Variants in C1QBP observed in about 807,000 individuals in gnomAD.
The protein encoded by C1QBP is complement component 1 Q subcomponent-binding protein, mitochondrial.
A neutral mutation model predicts 29.4 loss-of-function variants in C1QBP; 24 were observed. The ratio of observed to expected loss-of-function variants is 0.82; its 90% CI spans 0.59 to 1.15. The LOEUF is 1.15. Among genes scored for constraint, C1QBP ranks in the 50% most tolerant of loss-of-function variants. The pLI, the probability that C1QBP is intolerant of heterozygous loss-of-function variation, is 0.00. For synonymous variants in C1QBP, 182 were observed against 149.2 expected (o/e 1.22, Z -1.60); for missense variants, 337 against 355.8 (o/e 0.95, Z 0.43).
rs776202786 is a variant in C1QBP, at chr17:5,439,089, G to T, written c.-16C>A. The T allele has an allele frequency of 6.5e-7, 1 of 1,540,550 alleles. No individual in the cohort carries two copies. Among genetic ancestry groups the T allele is most frequent in the South Asian group, 1.2e-5 (1 of 83,784 alleles). ...GAGGCAGCATCGCGGAAACGACTGCGAACACGTGCAGATGCAAAGGACAAC... is the reference window on the plus strand; with the variant it reads ...GAGGCAGCATCGCGGAAACGACTGCTAACACGTGCAGATGCAAAGGACAAC... On this transcript the variant is annotated 5_prime_UTR_variant, in exon 1 of 6. Transcript: ENST00000225698.
chr17:5,435,905 G>A (rs1203204308), intron 2 of C1QBP, among the ~76,000 whole-genome samples: 2 of 149,330 alleles, frequency 1.3e-5, no homozygotes, highest in African/African-American at 5.1e-5. Flanking sequence ...AATTAGCTGG[G>A]CGTGGTGGTA....
Position 5,433,716 on chromosome 17 carries a change from C to A in C1QBP, c.529G>T (p.Asp177Tyr). The part of the protein sequence containing the change: ...NFVVEVIKND[D>Y]GKKALVLDCH... ...TCCAACACAAGGGCCTTCTTGCCAT[C>A]ATCATTCTTTATAACTTCAACCACG... The change falls in exon 4 of 6, where the codon GAT becomes TAT. Residue 177 changes from aspartate to tyrosine, a missense_variant. Transcript: ENST00000225698. The A allele has an allele frequency of 6.2e-7, 1 of 1,614,228 alleles. No homozygotes were observed. The highest frequency in any genetic ancestry group is 1.1e-5 in the South Asian group (1 of 91,082).
At position 5,432,921 on chromosome 17, in the gene C1QBP, A is replaced by C; in HGVS notation, c.*94T>G. ...TTTTTTCCCCCATGATATTAGGATG[A>C]TAATCATTTCAAAGCACATGTCTAG... On this transcript the variant is annotated 3_prime_UTR_variant, in exon 6 of 6. Transcript: ENST00000225698. The C allele has an allele frequency of 5.0e-6, 7 of 1,403,114 alleles. No homozygotes were observed. The highest frequency in any genetic ancestry group is 6.7e-6 in the Non-Finnish European group (7 of 1,039,272). The allele number at this position is 1,403,114 out of a possible 1,614,324, so 86.9% of individuals were successfully genotyped here. A position where few individuals can be genotyped will look rare whatever the true frequency, so the allele number is the denominator to read the frequency against.
chr17:5,432,962 T>G lies in C1QBP; in HGVS notation c.*53A>C. 6.4e-7 allele frequency: 1 copy of G among 1,563,266 alleles called. No individual in the cohort carries two copies. The highest frequency in any genetic ancestry group is 8.7e-7 in the Non-Finnish European group (1 of 1,155,186). Reference sequence around the variant, plus strand: ...ACATGTCTAGCTTCAGAGTAGGATTTGTTCACTGGCCAAAGCCTGCCATGA... The same window carrying G: ...ACATGTCTAGCTTCAGAGTAGGATTGGTTCACTGGCCAAAGCCTGCCATGA... On this transcript the variant is annotated 3_prime_UTR_variant, in exon 6 of 6. Coordinates refer to ENST00000225698, the MANE Select transcript of C1QBP (RefSeq NM_001212.4).
chr17:5,433,178 T>A lies in C1QBP; in HGVS notation c.700-14A>T. 1 of 1,608,884 alleles carries A rather than the reference T, an allele frequency of 6.2e-7. No homozygotes were observed. The highest frequency in any genetic ancestry group is 1.1e-5 in the South Asian group (1 of 90,134). On this transcript the variant is annotated splice_polypyrimidine_tract_variant and intron_variant, in intron 5 of 5. Coordinates refer to ENST00000225698, the MANE Select transcript of C1QBP (RefSeq NM_001212.4). ...GTCATATAAGGCCTGCAAAGAACAA[T>A]ATTTACTAGTTAAAAAAAAATCTGT...
chr17:5,433,694 A>G lies in C1QBP; in HGVS notation c.551T>C (p.Leu184Ser). 1 of 1,614,230 alleles carries G rather than the reference A, an allele frequency of 6.2e-7. No individual in the cohort carries two copies. Among genetic ancestry groups the G allele is most frequent in the Non-Finnish European group, 8.5e-7 (1 of 1,180,040 alleles). The part of the protein sequence containing the change: ...KNDDGKKALV[L>S]DCHYPEDEVG... Reference sequence around the variant, plus strand: ...CTCATCCTCTGGATAATGACAGTCCAACACAAGGGCCTTCTTGCCATCATC... The same window carrying G: ...CTCATCCTCTGGATAATGACAGTCCGACACAAGGGCCTTCTTGCCATCATC... The change falls in exon 4 of 6, where the codon TTG (leucine) becomes TCG (serine). Residue 184 changes from leucine (L) to serine (S), a missense_variant. Transcript: ENST00000225698.
rs1165416674 is a variant in C1QBP at position 5,435,991 on chromosome 17, A to G, written c.384-1025T>C. Among the ~76,000 whole-genome samples, 7 of 143,940 alleles carry G rather than the reference A, an allele frequency of 4.9e-5. No individual in the cohort carries two copies. In the East Asian group the frequency reaches 1.4e-3, roughly 29 times the overall value. 94.4% of individuals were successfully genotyped at this position (143,940 alleles called of 152,430 possible). On this transcript the variant is annotated intron_variant, in intron 2 of 5. Coordinates refer to ENST00000225698, the MANE Select transcript of C1QBP (RefSeq NM_001212.4). ...AACCTGGGAGGTGGAGGTTGCAGTGAGCCGAGATCACGCCACTGCTCTCCA... is the reference window on the plus strand; with the variant it reads ...AACCTGGGAGGTGGAGGTTGCAGTGGGCCGAGATCACGCCACTGCTCTCCA...
Position 5,436,476 on chromosome 17 carries a change from T to C in C1QBP, c.384-1510A>G, listed in dbSNP as rs145977219. Among the ~76,000 whole-genome samples, 155 of 151,644 alleles carry C rather than the reference T, an allele frequency of 1.0e-3. 10 individuals carry two copies. Among genetic ancestry groups the C allele is most frequent in the African/African-American group, 3.4e-3 (141 of 40,946 alleles). On this transcript the variant is annotated intron_variant, in intron 2 of 5. Coordinates refer to ENST00000225698, the MANE Select transcript of C1QBP (RefSeq NM_001212.4). ...AACCTTGGGTTAGGCAGTGGTTTCT[T>C]AGACGTGACACTAAAAAAGCACAAG...
intron 2 of C1QBP, among the ~76,000 whole-genome samples, chr17:5,436,166 C>T (rs1486788121): frequency 6.6e-6 from 1 of 151,058 alleles, no homozygotes; most frequent in African/African-American, 2.5e-5. Flanking sequence ...CAAAATCTGT[C>T]TAATTCCAAC....
At chr17:5,438,685 G>A in intron 1 of C1QBP, 157 bp downstream of exon 1, 1 of 1,462,120 alleles carries the variant, frequency 6.8e-7, no homozygotes, top group African/African-American at 1.4e-5. Context: ...CTGGATAGGG[G>A]AGGTGGGGGA....
chr17:5,438,581 T>G (rs757839410), intron 1 of C1QBP: 1 of 772,878 alleles, frequency 1.3e-6, no homozygotes, highest in Non-Finnish European at 2.0e-6. Flanking sequence ...ACCATGGGCC[T>G]TCCCAAAGGT....
chr17:5,435,921 CT>C (rs1916259449), intron 2 of C1QBP, among the ~76,000 whole-genome samples: 1 of 149,176 alleles, frequency 6.7e-6, no homozygotes, highest in African/African-American at 2.5e-5. Context: ...TGGTACGCGC[CT>C]GTAATCCCAG....
Position 5,438,280 on chromosome 17 carries a change from A to G in C1QBP, c.233-7T>C, listed in dbSNP as rs1916329341. On this transcript the variant is annotated splice_polypyrimidine_tract_variant and splice_region_variant and intron_variant, in intron 1 of 5. Coordinates refer to ENST00000225698, the MANE Select transcript of C1QBP (RefSeq NM_001212.4). ...TCAACAAAAGCTTTGTCTCCTAGAA[A>G]AGAAATCCAGATACATAAAAAGGAA... 6.2e-7 allele frequency: 1 copy of G among 1,612,464 alleles called. No individual in the cohort carries two copies. The highest frequency in any genetic ancestry group is 2.2e-5 in the East Asian group (1 of 44,884).
intron 2 of C1QBP, 23 bp downstream of exon 2, chr17:5,438,100 G>T (rs752173507): frequency 6.2e-7 from 1 of 1,607,930 alleles, no homozygotes; most frequent in South Asian, 1.1e-5. Context: ...TTGCTGCCCT[G>T]GGATCCCCAG....
In C1QBP at chr17:5,434,952, A is replaced by AAAGTGACCGTGATTCT; in HGVS notation, c.384-2_397dup (p.Phe133Ter). The AAAGTGACCGTGATTCT allele has an allele frequency of 6.2e-7, 1 of 1,614,038 alleles. No individual in the cohort carries two copies. The highest frequency in any genetic ancestry group is 8.5e-7 in the Non-Finnish European group (1 of 1,179,922). On this transcript the variant is annotated stop_gained and frameshift_variant, in exon 3 of 6. Coordinates refer to ENST00000225698, the MANE Select transcript of C1QBP (RefSeq NM_001212.4). LOFTEE classifies it high-confidence loss of function. ...TGGTGGGATGCTGTTGTTAATGTTG[A>AAAGTGACCGTGATTCT]AAGTGACCGTGATTCTAAAACGGCA...
chr17:5,436,043 A>AG (rs1916263767), intron 2 of C1QBP, among the ~76,000 whole-genome samples: 1 of 66,486 alleles, frequency 1.5e-5, no homozygotes, highest in Non-Finnish European at 2.9e-5. Flanking sequence ...AGACTCTGTC[A>AG]GAAAAAAAAA....
In C1QBP at chr17:5,437,193, A is replaced by G. The variant is rs151300044; in HGVS notation, c.383+930T>C. On this transcript the variant is annotated intron_variant, in intron 2 of 5. Transcript: ENST00000225698. ...AGAATTAGGTAGTGATAACTGATGC[A>G]TAATTCTGCGAGGACTAAGAACCAC... Among the ~76,000 whole-genome samples, 735 of 152,354 alleles carry G rather than the reference A, an allele frequency of 4.8e-3. 5 individuals carry two copies. Among genetic ancestry groups the G allele is most frequent in the African/African-American group, 0.017 (700 of 41,570 alleles).
rs750780952 is a variant in C1QBP, at chr17:5,438,119, T to G, written c.383+4A>C. 8 of 1,611,948 alleles carry G rather than the reference T, an allele frequency of 5.0e-6. No individual in the cohort carries two copies. The South Asian group carries it at 8.8e-5, about 18-fold the overall frequency. On this transcript the variant is annotated splice_donor_region_variant and intron_variant, in intron 2 of 5. Transcript: ENST00000225698. Reference sequence around the variant, plus strand: ...TGCCCTGGGATCCCCAGACCAGTACTTACTTTTCCCCGGCAACTTTCCGCA... The same window carrying G: ...TGCCCTGGGATCCCCAGACCAGTACGTACTTTTCCCCGGCAACTTTCCGCA...
Position 5,432,842 on chromosome 17 carries a change from A to G in C1QBP, c.*173T>C. ...AAAAATCTAGAAATAATAGATTTGT[A>G]CAGAAAAAAATGATAATAAATGAGA... On this transcript the variant is annotated 3_prime_UTR_variant, in exon 6 of 6. Coordinates refer to ENST00000225698, the MANE Select transcript of C1QBP (RefSeq NM_001212.4). 1 of 941,420 alleles carries G rather than the reference A, an allele frequency of 1.1e-6. No individual in the cohort carries two copies. The highest frequency in any genetic ancestry group is 1.7e-5 in the African/African-American group (1 of 59,958). The allele number at this position is 941,420 out of a possible 1,614,324, so 58.3% of individuals were successfully genotyped here.
Sources: gnomAD v4.1 joint callset for allele counts (sites outside exome capture counted in the v4.1 genomes callset) on GRCh38, gnomAD v4.1.1 for gene constraint, MANE v1.5 for transcripts, NCBI Gene and HGNC (gene_info 2026-07-23, HGNC 2026-07-21) for gene names.